The following PDPN variants were observed in gnomAD, a reference collection of about 807,000 sequenced individuals.
PDPN encodes the protein PA2.26 antigen.
PDPN carries 12 observed loss-of-function variants against 23.2 expected under a neutral mutation model. The observed-to-expected ratio is 0.52, with a 90% CI of 0.33 to 0.84. The LOEUF (loss-of-function observed/expected upper bound fraction) is 0.84, where lower values mean the gene tolerates loss of function less well. Among genes scored for constraint, PDPN ranks in the 40% least tolerant of loss-of-function variants. PDPN has a pLI of 0.02. For missense variants in PDPN, 199 were observed against 212.2 expected, an observed-to-expected ratio of 0.94 and a Z score of 0.39; for synonymous variants, 77 against 76.7, an observed-to-expected ratio of 1.00 and a Z score of -0.02.
intron 2 of PDPN, among the ~76,000 whole-genome samples, chr1:13,609,725 C>T (rs1446759814): frequency 6.6e-6 from 1 of 152,182 alleles, no homozygotes; most frequent in Non-Finnish European, 1.5e-5. Context: ...GCATAATGTC[C>T]TCAAGGTTCA....
intron 5 of PDPN, among the ~76,000 whole-genome samples, 193 bp from the exon 6 acceptor site, chr1:13,615,712 G>T (rs1392647243): frequency 1.3e-5 from 2 of 152,174 alleles, no homozygotes; most frequent in East Asian, 3.8e-4. Context: ...TAGCGTGTTT[G>T]GAAAAGCCAG....
At chr1:13,596,942 G>A (rs139771267) in intron 1 of PDPN, among the ~76,000 whole-genome samples, 1 of 152,264 alleles carries the variant, frequency 6.6e-6, no homozygotes, top group African/African-American at 2.4e-5. Context: ...CAGAGTGCTG[G>A]AAAATGTTGG....
chr1:13,617,379 C>T lies in PDPN; in HGVS notation c.*1468C>T, dbSNP rs763191411. 3.3e-5 allele frequency: 5 copies of T among 152,186 alleles called. No homozygotes were observed. The highest frequency in any genetic ancestry group is 4.8e-5 in the African/African-American group (2 of 41,412). 9.4% of individuals were successfully genotyped at this position (152,186 alleles called of 1,614,324 possible). The stretch of plus-strand genomic sequence containing the variant: ...GTGTGTTCCCAAATCCAGCTGGCCC[C>T]ACCAGCTCAGATTCCATTTTTTTTG... On this transcript the variant is annotated 3_prime_UTR_variant, in exon 6 of 6. Coordinates refer to ENST00000621990, the MANE Select transcript of PDPN (RefSeq NM_006474.5).
chr1:13,585,029 G>C (rs565234410), intron 1 of PDPN, among the ~76,000 whole-genome samples: 1 of 152,154 alleles, frequency 6.6e-6, no homozygotes, highest in Non-Finnish European at 1.5e-5. Context: ...GCAGGACGCA[G>C]CTACATCCAG....
Position 13,583,960 on chromosome 1 carries a change from G to A in PDPN, c.-74G>A, listed in dbSNP as rs748221735. 1 of 1,613,684 alleles carries A rather than the reference G, an allele frequency of 6.2e-7. No homozygotes were observed. Among genetic ancestry groups the A allele is most frequent in the Non-Finnish European group, 8.5e-7 (1 of 1,180,012 alleles). The stretch of plus-strand genomic sequence containing the variant: ...TCCTCCAGGCTGGGCCTGTGGCCGC[G>A]GTGCTTTTTAATTTTCCCCCAGCTC... On this transcript the variant is annotated 5_prime_UTR_variant, in exon 1 of 6. Coordinates refer to ENST00000621990, the MANE Select transcript of PDPN (RefSeq NM_006474.5).
rs371029908 is a variant in PDPN, at chr1:13,605,884, G to A, written c.68-1289G>A. Among the ~76,000 whole-genome samples, 35 of 152,254 alleles carry A rather than the reference G, an allele frequency of 2.3e-4. 1 individual carries two copies. In the East Asian group the frequency reaches 2.7e-3, roughly 12 times the overall value. ...GATCCGCCCGCCTTGGCCTCCTAAA[G>A]TGCTGGGGTTACAGGCGTGAGCCAC... On this transcript the variant is annotated intron_variant, in intron 1 of 5. Coordinates refer to ENST00000621990, the MANE Select transcript of PDPN (RefSeq NM_006474.5).
At chr1:13,606,045 A>C (rs12083757) in intron 1 of PDPN, among the ~76,000 whole-genome samples, 2 of 151,684 alleles carry the variant, frequency 1.3e-5, no homozygotes, top group Non-Finnish European at 2.9e-5. Flanking sequence ...GCTGGAGTGC[A>C]GTGATGCGAT....
intron 1 of PDPN, among the ~76,000 whole-genome samples, chr1:13,590,235 C>T (rs1052195398): frequency 2.6e-5 from 4 of 152,294 alleles, no homozygotes; most frequent in East Asian, 1.9e-4. Context: ...AGTACTGAAT[C>T]GAAGGATGCT....
In PDPN at chr1:13,614,283, TTC is replaced by T. The variant is rs745569883; in HGVS notation, c.371-9_371-8del. ...TTTTCCTCTGGGGCTCATGCTTTTT[TTC>T]TCTCTCTTGTTCAGATGGTTTGTCA... On this transcript the variant is annotated splice_polypyrimidine_tract_variant and intron_variant, in intron 4 of 5. Transcript: ENST00000621990. The T allele has an allele frequency of 2.9e-6, 4 of 1,400,196 alleles. No homozygotes were observed. Among genetic ancestry groups the T allele is most frequent in the African/African-American group, 1.4e-5 (1 of 69,960 alleles). 86.7% of individuals were successfully genotyped at this position (1,400,196 alleles called of 1,614,324 possible). A position where few individuals can be genotyped will look rare whatever the true frequency, so the allele number is the denominator to read the frequency against.
At chr1:13,596,494 A>G (rs1158986357) in intron 1 of PDPN, among the ~76,000 whole-genome samples, 1 of 152,210 alleles carries the variant, frequency 6.6e-6, no homozygotes, top group Admixed American at 6.5e-5. Flanking sequence ...TGAAGGGGGA[A>G]AAAAGTTCAC....
At position 13,583,975 on chromosome 1, in the gene PDPN, TC is replaced by T; in HGVS notation, c.-54del. The T allele has an allele frequency of 6.2e-7, 1 of 1,613,658 alleles. No homozygotes were observed. Among genetic ancestry groups the T allele is most frequent in the Non-Finnish European group, 8.5e-7 (1 of 1,180,006 alleles). On this transcript the variant is annotated 5_prime_UTR_variant, in exon 1 of 6. Transcript: ENST00000621990. ...CTGTGGCCGCGGTGCTTTTTAATTTTCCCCCAGCTCAGAATCTTGCTGCTCG... is the reference window on the plus strand; with the variant it reads ...CTGTGGCCGCGGTGCTTTTTAATTTTCCCCAGCTCAGAATCTTGCTGCTCG...
intron 1 of PDPN, among the ~76,000 whole-genome samples, chr1:13,606,730 G>A (rs1432544174): frequency 3.3e-5 from 5 of 152,246 alleles, no homozygotes; most frequent in Admixed American, 2.0e-4. Context: ...TGGAGACCCC[G>A]CTTTTGCATC....
chr1:13,610,893 G>A lies in PDPN; in HGVS notation c.331+377G>A, dbSNP rs140079833. ...TAGATTCTATATGAATACTTAGCAC[G>A]TTACCTTGAGTTCATGTCTGCATGC... On this transcript the variant is annotated intron_variant, in intron 3 of 5. Transcript: ENST00000621990. 1.6e-3 allele frequency among the ~76,000 whole-genome samples: 244 copies of A among 152,308 alleles called. 2 individuals carry two copies. The highest frequency in any genetic ancestry group is 5.6e-3 in the African/African-American group (233 of 41,584).
At chr1:13,588,897 C>T (rs1029688267) in intron 1 of PDPN, among the ~76,000 whole-genome samples, 1 of 126,084 alleles carries the variant, frequency 7.9e-6, no homozygotes, top group African/African-American at 3.0e-5. Flanking sequence ...AGGCTGGTCT[C>T]GAACTCCTGA....
intron 1 of PDPN, among the ~76,000 whole-genome samples, chr1:13,600,166 A>T (rs1019508108): frequency 6.6e-6 from 1 of 152,144 alleles, no homozygotes; most frequent in Non-Finnish European, 1.5e-5. Context: ...TTCTGGGAAG[A>T]TGAGGATGGC....
At chr1:13,600,371 C>CT (rs34705737) in intron 1 of PDPN, among the ~76,000 whole-genome samples, 28,122 of 145,918 alleles carry the variant, frequency 0.19, 2,815 homozygotes, top group African/African-American at 0.27. Context: ...TCACTTAACT[C>CT]TTTTTTTTTT....
At chr1:13,613,002 T>A (rs1485583099) in intron 3 of PDPN, among the ~76,000 whole-genome samples, 2 of 152,084 alleles carry the variant, frequency 1.3e-5, no homozygotes, top group Non-Finnish European at 2.9e-5. Flanking sequence ...ATTTTTATTT[T>A]TAAATAGGTT....
chr1:13,594,973 C>T lies in PDPN; in HGVS notation c.67+10873C>T, dbSNP rs572125118. On this transcript the variant is annotated intron_variant, in intron 1 of 5. Coordinates refer to ENST00000621990, the MANE Select transcript of PDPN (RefSeq NM_006474.5). ...TTGCGCCACTGCACTCCAGCCTGGGCGACAGAGCGAGACTCCTTCTCAAAA... is the reference window on the plus strand; with the variant it reads ...TTGCGCCACTGCACTCCAGCCTGGGTGACAGAGCGAGACTCCTTCTCAAAA... Among the ~76,000 whole-genome samples the T allele has an allele frequency of 6.3e-5, 9 of 143,168 alleles. 1 individual carries two copies. Among genetic ancestry groups the T allele is most frequent in the South Asian group, 2.2e-4 (1 of 4,534 alleles). The allele number at this position is 143,168 out of a possible 152,430, so 93.9% of individuals were successfully genotyped here.
In PDPN at chr1:13,586,976, G is replaced by C. The variant is rs150919807; in HGVS notation, c.67+2876G>C. On this transcript the variant is annotated intron_variant, in intron 1 of 5. Transcript: ENST00000621990. ...TGAGGCGGAAGAATCGCTTGAACTC[G>C]TGAGGCGGCAGTTGCAGTGAACCAA... Among the ~76,000 whole-genome samples, 60 of 152,302 alleles carry C rather than the reference G, an allele frequency of 3.9e-4. 1 individual carries two copies. In the East Asian group the frequency reaches 0.01, roughly 26 times the overall value.
Sources: allele counts gnomAD v4.1 joint callset (sites outside exome capture counted in the v4.1 genomes callset), GRCh38; gene constraint gnomAD v4.1.1; transcripts MANE v1.5; gene names NCBI Gene and HGNC (gene_info 2026-07-23, HGNC 2026-07-21).